CCSER1: variants seen among roughly 807,000 people sequenced by gnomAD.
The protein encoded by CCSER1 is coiled-coil serine rich protein 1.
Under a neutral mutation model 82.0 loss-of-function variants are expected in CCSER1, and 41 were observed. The observed-to-expected ratio is 0.50, with a 90% CI of 0.39 to 0.65. CCSER1 has a LOEUF of 0.65. Ranked by LOEUF, CCSER1 falls within the 30% of genes least tolerant of loss-of-function variation. The pLI is 0.00. For synonymous variants in CCSER1, 414 were observed against 383.9 expected (o/e 1.08, Z -0.92); for missense variants, 1,119 against 1,064.2 (o/e 1.05, Z -0.72).
At chr4:90,441,588 C>G (rs138393430) in intron 4 of CCSER1, among the ~76,000 whole-genome samples, 1 of 152,248 alleles carries the variant, frequency 6.6e-6, no homozygotes, top group African/African-American at 2.4e-5. Context: ...TGGGGGTTAA[C>G]ACTTCAACAT....
chr4:90,214,603 C>A (rs1156564633), intron 1 of CCSER1, among the ~76,000 whole-genome samples: 1 of 152,046 alleles, frequency 6.6e-6, no homozygotes, highest in Non-Finnish European at 1.5e-5. Flanking sequence ...AGATGTATTT[C>A]CTAAAGAAAT....
At chr4:91,389,873 C>A (rs1751541303) in intron 10 of CCSER1, among the ~76,000 whole-genome samples, 1 of 151,852 alleles carries the variant, frequency 6.6e-6, no homozygotes, top group Non-Finnish European at 1.5e-5. Context: ...ATTTCAAATG[C>A]CACTTGTTAA....
intron 3 of CCSER1, among the ~76,000 whole-genome samples, chr4:90,378,782 A>G (rs1037516660): frequency 3.9e-5 from 6 of 152,180 alleles, no homozygotes; most frequent in Non-Finnish European, 7.4e-5. Context: ...AGTACATTAT[A>G]AATGTGCAGA....
At chr4:90,183,950 A>G (rs1734153254) in intron 1 of CCSER1, among the ~76,000 whole-genome samples, 1 of 152,144 alleles carries the variant, frequency 6.6e-6, no homozygotes, top group South Asian at 2.1e-4. Context: ...TTTTAGATGT[A>G]TGTTGCTTGT....
At chr4:90,137,835 C>T (rs1323398835) in intron 1 of CCSER1, among the ~76,000 whole-genome samples, 2 of 152,184 alleles carry the variant, frequency 1.3e-5, no homozygotes, top group Non-Finnish European at 2.9e-5. Context: ...GCAGATGCTA[C>T]GTTACTTAAC....
At chr4:90,438,477 T>TAA (rs1759368638) in intron 4 of CCSER1, among the ~76,000 whole-genome samples, 1 of 152,114 alleles carries the variant, frequency 6.6e-6, no homozygotes, top group Non-Finnish European at 1.5e-5. Context: ...ATAACATTGT[T>TAA]AAGGTGATTT....
chr4:91,499,194 T>A (rs562807122), intron 10 of CCSER1, among the ~76,000 whole-genome samples: 1 of 152,062 alleles, frequency 6.6e-6, no homozygotes, highest in Non-Finnish European at 1.5e-5. Context: ...ATTTAGGGAA[T>A]TGATGTTTGT....
chr4:90,391,520 T>C (rs1751137182), intron 3 of CCSER1, among the ~76,000 whole-genome samples: 1 of 139,472 alleles, frequency 7.2e-6, no homozygotes, highest in South Asian at 2.2e-4. Context: ...TATATATATA[T>C]ATATATATAT....
chr4:91,584,807 C>G (rs781125197), intron 10 of CCSER1, among the ~76,000 whole-genome samples: 6 of 150,772 alleles, frequency 4.0e-5, no homozygotes, highest in Non-Finnish European at 7.4e-5. Context: ...TTTTTCAGAG[C>G]CTTAAAAATT....
intron 7 of CCSER1, among the ~76,000 whole-genome samples, chr4:90,797,331 T>C (rs1285017698): frequency 6.6e-6 from 1 of 152,174 alleles, no homozygotes; most frequent in African/African-American, 2.4e-5. Context: ...TCCATTTGCT[T>C]GGTAGATTTT....
intron 10 of CCSER1, among the ~76,000 whole-genome samples, chr4:91,507,033 G>C (rs1759532406): frequency 6.6e-6 from 1 of 152,068 alleles, no homozygotes; most frequent in African/African-American, 2.4e-5. Context: ...TCATTACTCA[G>C]TTGATGAAAA....
At chr4:91,095,218 T>C (rs1458353044) in intron 10 of CCSER1, among the ~76,000 whole-genome samples, 1 of 152,174 alleles carries the variant, frequency 6.6e-6, no homozygotes, top group Non-Finnish European at 1.5e-5. Flanking sequence ...TTGAACAAAG[T>C]CCCTTCGTCT....
intron 6 of CCSER1, among the ~76,000 whole-genome samples, chr4:90,640,920 T>C (rs557811766): frequency 6.6e-6 from 1 of 152,092 alleles, no homozygotes; most frequent in Non-Finnish European, 1.5e-5. Context: ...TTTATAGCAG[T>C]ATGAAAACAG....
intron 1 of CCSER1, among the ~76,000 whole-genome samples, chr4:90,234,114 C>T (rs62312862): frequency 0.12 from 17,557 of 151,704 alleles, 1,127 homozygotes; most frequent in Middle Eastern, 0.22. Context: ...TTTGTATTTC[C>T]AGACCTCTTG....
intron 4 of CCSER1, among the ~76,000 whole-genome samples, chr4:90,423,531 G>T (rs1757038262): frequency 6.6e-6 from 1 of 151,732 alleles, no homozygotes; most frequent in Non-Finnish European, 1.5e-5. Context: ...GCTCCACCAG[G>T]TGATTCATTT....
chr4:91,548,120 T>C (rs182626550), intron 10 of CCSER1, among the ~76,000 whole-genome samples: 45 of 152,300 alleles, frequency 3.0e-4, no homozygotes, highest in Non-Finnish European at 5.6e-4. Context: ...TATATTGCAC[T>C]ATTTTCTCTC....
chr4:91,391,813 T>C (rs1751668396), intron 10 of CCSER1, among the ~76,000 whole-genome samples: 1 of 152,168 alleles, frequency 6.6e-6, no homozygotes, highest in Non-Finnish European at 1.5e-5. Context: ...GAATGTGTAA[T>C]CTGCTATGTT....
At chr4:90,747,201 G>T (rs1180693954) in intron 7 of CCSER1, among the ~76,000 whole-genome samples, 2 of 152,086 alleles carry the variant, frequency 1.3e-5, no homozygotes, top group East Asian at 3.9e-4. Flanking sequence ...TCCTAACAAG[G>T]TTATGCATTT....
chr4:91,258,519 T>G (rs1740866454), intron 10 of CCSER1, among the ~76,000 whole-genome samples: 1 of 152,074 alleles, frequency 6.6e-6, no homozygotes, highest in Non-Finnish European at 1.5e-5. Context: ...CCTGCATTAG[T>G]AAAGCACTTT....
Sources: gnomAD v4.1 joint callset for allele counts (sites outside exome capture counted in the v4.1 genomes callset) on GRCh38, gnomAD v4.1.1 for gene constraint, MANE v1.5 for transcripts, NCBI Gene and HGNC (gene_info 2026-07-23, HGNC 2026-07-21) for gene names.